The following TMEM41B variants were observed in gnomAD, a reference collection of about 807,000 sequenced individuals.
The protein encoded by TMEM41B is protein stasimon.
TMEM41B carries 18 observed loss-of-function variants against 31.9 expected under a neutral mutation model. That is an observed-to-expected ratio of 0.56 (90% CI 0.39 to 0.84). The LOEUF (loss-of-function observed/expected upper bound fraction) is 0.84, where lower values mean the gene tolerates loss of function less well. Ranked by LOEUF, TMEM41B falls within the 40% of genes least tolerant of loss-of-function variation. TMEM41B has a pLI of 0.00. For missense variants in TMEM41B, 322 were observed against 348.0 expected (o/e 0.93, Z 0.59); for synonymous variants, 144 against 124.3 (o/e 1.16, Z -1.05).
chr11:9,310,865 T>A (rs1853543832), intron 1 of TMEM41B, among the ~76,000 whole-genome samples: 1 of 152,148 alleles, frequency 6.6e-6, no homozygotes, highest in Non-Finnish European at 1.5e-5. Flanking sequence ...CTGGGGAATG[T>A]ATTTTCCACT....
chr11:9,287,978 C>T (rs1852873926), intron 4 of TMEM41B, 172 bp from the exon 5 acceptor site: 4 of 602,146 alleles, frequency 6.6e-6, no homozygotes, highest in Admixed American at 6.8e-5. Flanking sequence ...CCAAAATGTA[C>T]CTCAAATGAG....
intron 6 of TMEM41B, among the ~76,000 whole-genome samples, chr11:9,285,088 C>CTT (rs11405419): frequency 0.05 from 6,597 of 131,152 alleles, 618 homozygotes; most frequent in African/African-American, 0.17. Flanking sequence ...TTCCTTCTTT[C>CTT]TTTTTTTTTT....
intron 1 of TMEM41B, among the ~76,000 whole-genome samples, chr11:9,301,205 C>A (rs533924258): frequency 2.0e-5 from 3 of 151,942 alleles, no homozygotes; most frequent in African/African-American, 7.3e-5. Context: ...ACCATCCTGG[C>A]TAACACGGTG....
chr11:9,287,703 T>C lies in TMEM41B; in HGVS notation c.566A>G (p.Gln189Arg). 2 of 1,601,694 alleles carry C rather than the reference T, an allele frequency of 1.2e-6. No homozygotes were observed. The highest frequency in any genetic ancestry group is 2.2e-5 in the South Asian group (2 of 89,226). ...AATAATTTAAAAATACATGTTTACC[T>C]GCTGTGACCATTTTACTGCTTTCTC... ...LTEKAVKWSQ[Q>R]VERHREHLIN... The change falls in exon 5 of 7, where the codon CAG becomes CGG. Residue 189 changes from glutamine to arginine, a missense_variant and splice_region_variant. Transcript: ENST00000528080.
At position 9,281,574 on chromosome 11, in the gene TMEM41B, A is replaced by G. The variant is rs7931491; in HGVS notation, c.*1850T>C. 0.98 allele frequency: 148,980 copies of G among 152,326 alleles called. 72,933 individuals carry two copies. Among genetic ancestry groups the G allele is most frequent in the East Asian group, 1 (5,190 of 5,190 alleles). The allele number at this position is 152,326 out of a possible 1,614,324, so 9.4% of individuals were successfully genotyped here. On this transcript the variant is annotated 3_prime_UTR_variant, in exon 7 of 7. Transcript: ENST00000528080. ...GTACTTTTCAACTTTGACAACTAATAACAGTCATGGGTGAAGGTAAAACTG... is the reference window on the plus strand; with the variant it reads ...GTACTTTTCAACTTTGACAACTAATGACAGTCATGGGTGAAGGTAAAACTG...
At chr11:9,289,151 G>C (rs1412390843) in intron 3 of TMEM41B, among the ~76,000 whole-genome samples, 5 of 114,364 alleles carry the variant, frequency 4.4e-5, no homozygotes, top group African/African-American at 1.3e-4. Flanking sequence ...TCACGGACGT[G>C]TGTCACCACA....
At chr11:9,301,488 G>A (rs913344969) in intron 1 of TMEM41B, among the ~76,000 whole-genome samples, 8 of 152,196 alleles carry the variant, frequency 5.3e-5, no homozygotes, top group African/African-American at 1.9e-4. Context: ...GTACTGAACT[G>A]CCTATACTCT....
chr11:9,309,069 G>C (rs1853468355), intron 1 of TMEM41B, among the ~76,000 whole-genome samples: 1 of 152,094 alleles, frequency 6.6e-6, no homozygotes, highest in Admixed American at 6.6e-5. Context: ...CCAACACAGA[G>C]ATAACCCGTC....
Position 9,282,334 on chromosome 11 carries a change from C to T in TMEM41B, c.*1090G>A, listed in dbSNP as rs1234419891. ...CGGAGTTTGCAGTGAGCCGAGATCACACCACGCACTCCACTCCAGCCTGGG... is the reference window on the plus strand; with the variant it reads ...CGGAGTTTGCAGTGAGCCGAGATCATACCACGCACTCCACTCCAGCCTGGG... On this transcript the variant is annotated 3_prime_UTR_variant, in exon 7 of 7. Coordinates refer to ENST00000528080, the MANE Select transcript of TMEM41B (RefSeq NM_015012.4). The T allele has an allele frequency of 6.6e-6, 1 of 151,350 alleles. No individual in the cohort carries two copies. The highest frequency in any genetic ancestry group is 1.9e-4 in the East Asian group (1 of 5,154). 9.4% of individuals were successfully genotyped at this position (151,350 alleles called of 1,614,324 possible).
chr11:9,298,587 A>G (rs1353843396), intron 2 of TMEM41B, among the ~76,000 whole-genome samples: 1 of 152,046 alleles, frequency 6.6e-6, no homozygotes, highest in African/African-American at 2.4e-5. Context: ...CAACAGGTTT[A>G]AAACCCCATC....
At chr11:9,305,984 T>C (rs201774534) in intron 1 of TMEM41B, among the ~76,000 whole-genome samples, 11 of 110,886 alleles carry the variant, frequency 9.9e-5, no homozygotes, top group South Asian at 3.6e-4. Flanking sequence ...CTTTTCTTTT[T>C]TTTTTTTTTT....
intron 5 of TMEM41B, 23 bp from the exon 6 acceptor site, chr11:9,286,616 T>C (rs765090105): frequency 1.9e-6 from 3 of 1,580,268 alleles, no homozygotes; most frequent in South Asian, 1.2e-5. Context: ...AGAAAAGAAT[T>C]AGCATCAGAT....
chr11:9,298,427 C>A (rs1438462346), intron 2 of TMEM41B, among the ~76,000 whole-genome samples: 3 of 148,142 alleles, frequency 2.0e-5, no homozygotes, highest in Non-Finnish European at 4.5e-5. Context: ...CCATTGCACT[C>A]CAGCCTGGGC....
At position 9,306,384 on chromosome 11, in the gene TMEM41B, T is replaced by C. The variant is rs1042513062; in HGVS notation, c.122-6683A>G. 2.0e-5 allele frequency among the ~76,000 whole-genome samples: 3 copies of C among 152,162 alleles called. No homozygotes were observed. The South Asian group carries it at 6.2e-4, about 32-fold the overall frequency. ...CCTCCTCCCAGGCCAAAGGTACTGT[T>C]ATAGAAAGCCAGAATTCGCCGGGCA... On this transcript the variant is annotated intron_variant, in intron 1 of 6. Coordinates refer to ENST00000528080, the MANE Select transcript of TMEM41B (RefSeq NM_015012.4).
intron 1 of TMEM41B, among the ~76,000 whole-genome samples, chr11:9,313,400 A>T (rs111850838): frequency 0.012 from 1,902 of 152,308 alleles, 41 homozygotes; most frequent in African/African-American, 0.039. Flanking sequence ...CACCTATGTG[A>T]GCTACAGACA....
rs752907471 is a variant in TMEM41B, at chr11:9,280,906, C to T, written c.*2518G>A. ...TGGGCATCAGGCCAAGTCTGTAAAT[C>T]CGTGAAGACAGGCCATCAACTGCAT... On this transcript the variant is annotated 3_prime_UTR_variant, in exon 7 of 7. Transcript: ENST00000528080. 2 of 152,194 alleles carry T rather than the reference C, an allele frequency of 1.3e-5. No homozygotes were observed. Among genetic ancestry groups the T allele is most frequent in the Non-Finnish European group, 2.9e-5 (2 of 68,044 alleles). The allele number at this position is 152,194 out of a possible 1,614,324, so 9.4% of individuals were successfully genotyped here.
At chr11:9,290,847 C>T (rs1590374689) in intron 3 of TMEM41B, among the ~76,000 whole-genome samples, 1 of 151,978 alleles carries the variant, frequency 6.6e-6, no homozygotes, top group Non-Finnish European at 1.5e-5. Flanking sequence ...GGCTGGGCAC[C>T]GTGGCTCCCG....
chr11:9,292,204 T>A (rs949847471), intron 3 of TMEM41B, among the ~76,000 whole-genome samples: 3 of 152,210 alleles, frequency 2.0e-5, no homozygotes, highest in African/African-American at 2.4e-5. Flanking sequence ...TTGTAGAATT[T>A]ACCATTTATT....
At position 9,283,538 on chromosome 11, in the gene TMEM41B, A is replaced by C. The variant is rs138840039; in HGVS notation, c.762T>G (p.Leu254=). 4 of 1,613,552 alleles carry C rather than the reference A, an allele frequency of 2.5e-6. No homozygotes were observed. The highest frequency in any genetic ancestry group is 2.2e-5 in the East Asian group (1 of 44,804). ...AGGAAACAGCTTCTCCTGCTGTTGT[A>C]AGTTGATACAGTGTTGTTCCTGCCT... The part of the protein sequence containing the change: ...AIKAGTTLYQ[L]TTAGEAVSWN... Residue 254 remains leucine (L), a synonymous_variant, in exon 7 of 7, where the codon CTT becomes CTG. Transcript: ENST00000528080.
Sources: gnomAD v4.1 joint callset for allele counts (sites outside exome capture counted in the v4.1 genomes callset) on GRCh38, gnomAD v4.1.1 for gene constraint, MANE v1.5 for transcripts, NCBI Gene and HGNC (gene_info 2026-07-23, HGNC 2026-07-21) for gene names.